The following HENMT1 variants were observed in gnomAD, a reference collection of about 807,000 sequenced individuals.
The protein encoded by HENMT1 is HEN methyltransferase 1, also known as small RNA 2'-O-methyltransferase.
Under a neutral mutation model 31.1 loss-of-function variants are expected in HENMT1, and 27 were observed. The observed-to-expected ratio is 0.87, with a 90% confidence interval of 0.64 to 1.20. The LOEUF is 1.20. Among genes scored for constraint, HENMT1 ranks in the 50% most tolerant of loss-of-function variants. The probability of loss-of-function intolerance (pLI) is 0.00; values close to 1 mark genes in which losing one functional copy is unlikely to be tolerated. For missense variants in HENMT1, 438 were observed against 469.6 expected (o/e 0.93, Z 0.62); for synonymous variants, 167 against 172.2 (o/e 0.97, Z 0.24).
intron 3 of HENMT1, among the ~76,000 whole-genome samples, chr1:108,656,239 C>T (rs978629540): frequency 9.9e-5 from 15 of 152,144 alleles, no homozygotes; most frequent in African/African-American, 3.1e-4. Flanking sequence ...AAGATATAAA[C>T]TAATACCTAC....
At position 108,648,427 on chromosome 1, in the gene HENMT1, C is replaced by A. The variant is rs1448037453; in HGVS notation, c.*139G>T. 1 of 711,864 alleles carries A rather than the reference C, an allele frequency of 1.4e-6. No homozygotes were observed. Among genetic ancestry groups the A allele is most frequent in the South Asian group, 1.9e-5 (1 of 51,762 alleles). 44.1% of individuals were successfully genotyped at this position (711,864 alleles called of 1,614,324 possible). A position where few individuals can be genotyped will look rare whatever the true frequency, so the allele number is the denominator to read the frequency against. ...CAGTCTGGCCATATCTCAAGCAGGT[C>A]TGTCCAATGGCTTGGAACATAGACT... On this transcript the variant is annotated 3_prime_UTR_variant, in exon 8 of 8. Coordinates refer to ENST00000651461, the MANE Select transcript of HENMT1 (RefSeq NM_001102592.2).
rs545765510 is a variant in HENMT1, at chr1:108,657,839, C to T, written c.22-260G>A. 9.1e-4 allele frequency among the ~76,000 whole-genome samples: 138 copies of T among 152,086 alleles called. 1 individual carries two copies. The highest frequency in any genetic ancestry group is 3.0e-3 in the African/African-American group (124 of 41,464). ...TTAGTTTCAGCTGAAGGGAACATTA[C>T]CAATGAATGTATTCAATGAAAACAA... On this transcript the variant is annotated intron_variant, in intron 2 of 7. Transcript: ENST00000651461.
chr1:108,655,786 G>A, intron 3 of HENMT1, 88 bp from the exon 4 acceptor site: 1 of 583,180 alleles, frequency 1.7e-6, no homozygotes, highest in Non-Finnish European at 3.0e-6. Context: ...AGAGAGTGGA[G>A]TATATATCAG....
At chr1:108,653,665 C>T (rs1355276588) in intron 5 of HENMT1, among the ~76,000 whole-genome samples, 2 of 152,178 alleles carry the variant, frequency 1.3e-5, no homozygotes, top group Non-Finnish European at 2.9e-5. Context: ...AGTTGCATTT[C>T]CCTGATGACT....
At chr1:108,657,643 GGGC>G in intron 2 of HENMT1, 64 bp from the exon 3 acceptor site, 1 of 1,503,624 alleles carries the variant, frequency 6.7e-7, no homozygotes. Flanking sequence ...ATTAAATAAG[GGGC>G]AAAAAAAAAA....
chr1:108,650,164 C>A, intron 7 of HENMT1, 47 bp downstream of exon 7: 2 of 1,569,926 alleles, frequency 1.3e-6, no homozygotes, highest in Non-Finnish European at 1.8e-6. Flanking sequence ...AGTTCACCAT[C>A]CTAATGTATC....
intron 2 of HENMT1, 42 bp from the exon 3 acceptor site, chr1:108,657,621 A>C: frequency 1.9e-6 from 3 of 1,574,282 alleles, no homozygotes; most frequent in Non-Finnish European, 2.6e-6. Context: ...TAAATCATGC[A>C]TGACTTCAGA....
In HENMT1 at chr1:108,650,228, G is replaced by T; in HGVS notation, c.739C>A (p.Gln247Lys). ...ATACTCACAGCTTTATAAACATGCT[G>T]ATCATGCTGCTCTGAAAGACATGAT... ...TESCLSEQHD[Q>K]HVYKAVFTTS... The change falls in exon 7 of 8, where the codon CAG (glutamine) becomes AAG (lysine). Residue 247 changes from glutamine (Q) to lysine (K), a missense_variant. Gln to Lys is a moderately conservative substitution (Grantham distance 53). Transcript: ENST00000651461. The T allele has an allele frequency of 6.2e-7, 1 of 1,613,934 alleles. No homozygotes were observed. Among genetic ancestry groups the T allele is most frequent in the East Asian group, 2.2e-5 (1 of 44,884 alleles).
rs746313657 is a variant in HENMT1, at chr1:108,648,855, C to A, written c.893G>T (p.Gly298Val). 1.2e-6 allele frequency: 2 copies of A among 1,614,202 alleles called. No homozygotes were observed. Among genetic ancestry groups the A allele is most frequent in the Middle Eastern group, 1.6e-4 (1 of 6,062 alleles). The change falls in exon 8 of 8, where the codon GGT becomes GTT. Residue 298 changes from glycine to valine, a missense_variant. By Grantham distance (109) the Gly-to-Val change is moderately radical. Coordinates refer to ENST00000651461, the MANE Select transcript of HENMT1 (RefSeq NM_001102592.2). The part of the protein sequence containing the change: ...PRRKEQAGER[G>V]DKPKDIGGSK... ...GCCACCAATGTCTTTGGGCTTATCA[C>A]CCCGTTCCCCAGCCTGTTCTTTCCG...
chr1:108,653,376 C>A (rs1658117557), intron 5 of HENMT1, among the ~76,000 whole-genome samples: 1 of 152,162 alleles, frequency 6.6e-6, no homozygotes, highest in African/African-American at 2.4e-5. Context: ...GATTCCGTAT[C>A]CTGGCTACTG....
chr1:108,649,439 G>GA (rs767222992), intron 7 of HENMT1: 2,282 of 393,504 alleles, frequency 5.8e-3, no homozygotes, highest in Admixed American at 7.3e-3. Context: ...TGTCTCTACG[G>GA]AAAAAAAAAC....
chr1:108,650,676 T>G (rs1405519727), intron 6 of HENMT1, among the ~76,000 whole-genome samples: 1 of 152,092 alleles, frequency 6.6e-6, no homozygotes, highest in South Asian at 2.1e-4. Context: ...AACTACCCAT[T>G]TGGGTTTGCA....
chr1:108,659,421 C>T (rs534152727), intron 2 of HENMT1, among the ~76,000 whole-genome samples: 49 of 152,188 alleles, frequency 3.2e-4, no homozygotes, highest in Middle Eastern at 3.4e-3. Context: ...TTTCAAGTGC[C>T]CACTTGCCAT....
upstream of HENMT1, chr1:108,661,106 C>A: frequency 1.7e-6 from 1 of 598,774 alleles, no homozygotes. Context: ...GCACGCACGG[C>A]CTCGCTGCGT....
intron 5 of HENMT1, among the ~76,000 whole-genome samples, chr1:108,653,794 A>G (rs1457946510): frequency 6.6e-6 from 1 of 152,066 alleles, no homozygotes; most frequent in Non-Finnish European, 1.5e-5. Flanking sequence ...AGATTCTTGT[A>G]TATTCTAGAT....
chr1:108,651,881 A>ATAGAGTCTCTATGGTT (rs1403248918), intron 5 of HENMT1, among the ~76,000 whole-genome samples: 1 of 152,122 alleles, frequency 6.6e-6, no homozygotes, highest in Non-Finnish European at 1.5e-5. Flanking sequence ...CCTCATTATC[A>ATAGAGTCTCTATGGTT]ATACCTCTAA....
intron 4 of HENMT1, 63 bp downstream of exon 4, chr1:108,655,523 C>T: frequency 1.1e-6 from 1 of 951,680 alleles, no homozygotes; most frequent in Non-Finnish European, 1.6e-6. Flanking sequence ...AACACTTTCT[C>T]TAAACTCAAT....
chr1:108,654,647 C>CT (rs1658158582), intron 5 of HENMT1, 69 bp downstream of exon 5: 8 of 1,497,262 alleles, frequency 5.3e-6, no homozygotes, highest in Non-Finnish European at 7.4e-6. Context: ...ATTTAGGACA[C>CT]TAAGATCACT....
At chr1:108,659,798 A>G in intron 2 of HENMT1, 66 bp downstream of exon 2, 1 of 1,037,982 alleles carries the variant, frequency 9.6e-7, no homozygotes, top group Non-Finnish European at 1.5e-6. Flanking sequence ...GTTTGCAATT[A>G]TCTCACAATA....
Sources: allele counts gnomAD v4.1 joint callset (sites outside exome capture counted in the v4.1 genomes callset), GRCh38; gene constraint gnomAD v4.1.1; transcripts MANE v1.5; gene names NCBI Gene and HGNC (gene_info 2026-07-23, HGNC 2026-07-21).